Variants in HYAL4 observed in about 807,000 individuals in gnomAD.
HYAL4 encodes hyaluronidase-4.
In HYAL4, 37 loss-of-function variants were observed where a neutral mutation model predicts 35.2. The ratio of observed to expected loss-of-function variants is 1.05; its 90% confidence interval spans 0.81 to 1.38. The LOEUF is 1.38. Among genes scored for constraint, HYAL4 ranks in the 40% most tolerant of loss-of-function variants. HYAL4 has a pLI of 0.00. For synonymous variants in HYAL4, 198 were observed against 203.2 expected (o/e 0.97, Z 0.22); for missense variants, 572 against 572.4 (o/e 1.00, Z 0.01).
the HYAL4 span, among the ~76,000 whole-genome samples, chr7:123,792,695 T>A: frequency 5.9e-5 from 9 of 152,168 alleles, no homozygotes; most frequent in African/African-American, 2.2e-4. Flanking sequence ...GATCTCTTGC[T>A]TTTCTCCCTC....
At chr7:123,819,343 G>A in the HYAL4 span, 1 of 152,560 alleles carries the variant, frequency 6.6e-6, no homozygotes, top group Non-Finnish European at 1.5e-5. Flanking sequence ...TTTTCTAGGA[G>A]GACTTAGTGC....
At chr7:123,875,880 G>T in intron 4 of HYAL4, 1 of 342,108 alleles carries the variant, frequency 2.9e-6, no homozygotes, top group Non-Finnish European at 5.8e-6. Flanking sequence ...GAATTTTTTT[G>T]CAAGTCCATG....
chr7:123,792,641 A>G, the HYAL4 span, among the ~76,000 whole-genome samples: 1 of 152,052 alleles, frequency 6.6e-6, no homozygotes, highest in Non-Finnish European at 1.5e-5. Flanking sequence ...AGGTTTGCCC[A>G]CAATTTCCTT....
chr7:123,813,565 A>T, the HYAL4 span, among the ~76,000 whole-genome samples: 1 of 152,208 alleles, frequency 6.6e-6, no homozygotes, highest in African/African-American at 2.4e-5. Flanking sequence ...CTTGTTTTTT[A>T]TTTCAGCCTA....
the HYAL4 span, among the ~76,000 whole-genome samples, chr7:123,820,058 T>C: frequency 6.6e-6 from 1 of 151,656 alleles, no homozygotes; most frequent in East Asian, 2.0e-4. Flanking sequence ...GTCTGACTTA[T>C]TTTTTTGTAT....
chr7:123,792,960 T>C, the HYAL4 span, among the ~76,000 whole-genome samples: 11 of 152,304 alleles, frequency 7.2e-5, no homozygotes, highest in East Asian at 2.1e-3. Context: ...CTGAGGTCCC[T>C]TCGGGCCAGC....
At chr7:123,808,360 A>G in the HYAL4 span, among the ~76,000 whole-genome samples, 4 of 152,096 alleles carry the variant, frequency 2.6e-5, no homozygotes, top group African/African-American at 4.8e-5. Context: ...TCCCGGTTGC[A>G]TAGAAATGTG....
In HYAL4 at chr7:123,876,946, G is replaced by C. The variant is rs751616185; in HGVS notation, c.1237G>C (p.Gly413Arg). ...ASYHIEASED[G>R]EFTVKGKASD... ...TTACCACATAGAGGCCTCTGAGGAC[G>C]GGGAGTTTACTGTGAAAGGAAAAGC... Residue 413 changes from glycine (G) to arginine (R), a missense_variant, in exon 5 of 5, where the codon GGG (glycine) becomes CGG (arginine). Gly to Arg is a moderately radical substitution (Grantham distance 125). Coordinates refer to ENST00000223026, the MANE Select transcript of HYAL4 (RefSeq NM_012269.3). 3 of 1,614,150 alleles carry C rather than the reference G, an allele frequency of 1.9e-6. No individual in the cohort carries two copies. In the African/African-American group the frequency reaches 4.0e-5, roughly 22 times the overall value.
chr7:123,804,323 A>G, the HYAL4 span, among the ~76,000 whole-genome samples: 1 of 152,136 alleles, frequency 6.6e-6, no homozygotes, highest in Admixed American at 6.5e-5. Context: ...GAGACCCCTC[A>G]TATGGAAGTC....
intron 1 of HYAL4, among the ~76,000 whole-genome samples, chr7:123,838,799 TA>T (rs1806008519): frequency 6.6e-6 from 1 of 152,124 alleles, no homozygotes; most frequent in Admixed American, 6.5e-5. Flanking sequence ...TCGTTTAACA[TA>T]GTCTCAAACT....
At chr7:123,856,951 C>A (rs571647729) in intron 2 of HYAL4, among the ~76,000 whole-genome samples, 2 of 152,098 alleles carry the variant, frequency 1.3e-5, no homozygotes, top group African/African-American at 4.8e-5. Flanking sequence ...GGATTCCACC[C>A]ATTTCGAACT....
At chr7:123,807,136 A>C in the HYAL4 span, among the ~76,000 whole-genome samples, 37 of 152,286 alleles carry the variant, frequency 2.4e-4, 1 homozygote, top group South Asian at 7.7e-3. Context: ...TTTTTAGAGA[A>C]TCATTTATTT....
intron 1 of HYAL4, among the ~76,000 whole-genome samples, chr7:123,833,286 G>A (rs986385960): frequency 6.6e-6 from 1 of 152,146 alleles, no homozygotes; most frequent in African/African-American, 2.4e-5. Flanking sequence ...GCAGGAGTAA[G>A]GTGGTATCAC....
chr7:123,787,389 T>C, the HYAL4 span, among the ~76,000 whole-genome samples: 19 of 152,104 alleles, frequency 1.2e-4, no homozygotes, highest in Non-Finnish European at 2.5e-4. Context: ...TTGCCTAATG[T>C]CATGCCCATT....
chr7:123,817,435 G>A, the HYAL4 span, among the ~76,000 whole-genome samples: 31 of 151,334 alleles, frequency 2.0e-4, no homozygotes, highest in African/African-American at 6.5e-4. Context: ...ATTTCTCACC[G>A]AACAATTTCT....
At chr7:123,814,227 T>A in the HYAL4 span, 2 of 152,624 alleles carry the variant, frequency 1.3e-5, no homozygotes, top group South Asian at 4.1e-4. Flanking sequence ...ATGCCTCCGG[T>A]GATCAAGAGC....
chr7:123,812,403 C>T, the HYAL4 span, among the ~76,000 whole-genome samples: 3 of 151,978 alleles, frequency 2.0e-5, no homozygotes, highest in Non-Finnish European at 4.4e-5. Context: ...AAAATGCATA[C>T]CATTATAATG....
At chr7:123,831,639 C>G (rs796114560) in intron 1 of HYAL4, among the ~76,000 whole-genome samples, 4 of 152,158 alleles carry the variant, frequency 2.6e-5, no homozygotes, top group African/African-American at 9.6e-5. Context: ...TGGTCTGTAT[C>G]AAATGTTTTG....
At chr7:123,793,283 T>A in the HYAL4 span, among the ~76,000 whole-genome samples, 1 of 152,232 alleles carries the variant, frequency 6.6e-6, no homozygotes, top group African/African-American at 2.4e-5. Context: ...CCTTCTTTGC[T>A]TAAGAACAAT....
Sources: gnomAD v4.1 joint callset for allele counts (sites outside exome capture counted in the v4.1 genomes callset) on GRCh38, gnomAD v4.1.1 for gene constraint, MANE v1.5 for transcripts, NCBI Gene and HGNC (gene_info 2026-07-23, HGNC 2026-07-21) for gene names.